DOP1B: variants seen among roughly 807,000 people sequenced by gnomAD.
DOP1B encodes the protein DOP1 leucine zipper like protein B.
In DOP1B, 174 loss-of-function variants were observed where a neutral mutation model predicts 233.5. That is an observed-to-expected ratio of 0.75 (90% CI 0.66 to 0.85). DOP1B has a LOEUF of 0.85. DOP1B is among the 40% of genes least tolerant of loss of function. The pLI, the probability that DOP1B is intolerant of heterozygous loss-of-function variation, is 0.00. For synonymous variants in DOP1B, 1,190 were observed against 1,185.6 expected, an observed-to-expected ratio of 1.00 and a Z score of -0.08; for missense variants, 2,652 against 2,846.6, an observed-to-expected ratio of 0.93 and a Z score of 1.56.
chr21:36,165,534 G>A (rs753707058), intron 2 of DOP1B, among the ~76,000 whole-genome samples: 11 of 152,060 alleles, frequency 7.2e-5, no homozygotes, highest in South Asian at 2.1e-4. Flanking sequence ...GCCGCTGACC[G>A]GTACCAGTCC....
At chr21:36,220,443 T>C (rs2835321) in intron 10 of DOP1B, among the ~76,000 whole-genome samples, 73,167 of 152,038 alleles carry the variant, frequency 0.48, 18,788 homozygotes, top group South Asian at 0.67. Context: ...GATGCCTGTC[T>C]TTTATTTTAA....
chr21:36,263,941 C>A, intron 26 of DOP1B, 127 bp downstream of exon 26: 2 of 979,498 alleles, frequency 2.0e-6, no homozygotes, highest in South Asian at 1.5e-5. Flanking sequence ...TGCACTTGTT[C>A]TCAAGTCTTA....
chr21:36,245,336 A>T lies in DOP1B; in HGVS notation c.3356A>T (p.His1119Leu), dbSNP rs1454173722. ...GAGTCTGCAGATACAAGCTCCTGCC[A>T]CACGGACAGCGAGAACACGTCCTCC... ...HTESADTSSC[H>L]TDSENTSSFS... Residue 1119 changes from histidine (H) to leucine (L), a missense_variant, in exon 19 of 37, where the codon CAC (histidine) becomes CTC (leucine). His to Leu is a moderately conservative substitution (Grantham distance 99). This residue lies in a region of DOP1B where 2,617 missense variants were observed against 2,794.3 expected (regional missense o/e 0.94). Coordinates refer to ENST00000691173, the MANE Select transcript of DOP1B (RefSeq NM_001320714.2). This position sits in a 1 kb window ranked among gnomAD's most constrained non-coding sequence, Gnocchi z 5.5. The T allele has an allele frequency of 1.2e-6, 2 of 1,614,100 alleles. No individual in the cohort carries two copies. The highest frequency in any genetic ancestry group is 1.1e-5 in the South Asian group (1 of 91,086).
In DOP1B at chr21:36,281,552, C is replaced by T. The variant is rs2067416468; in HGVS notation, c.6101C>T (p.Ala2034Val). 1 of 1,610,118 alleles carries T rather than the reference C, an allele frequency of 6.2e-7. No individual in the cohort carries two copies. Among genetic ancestry groups the T allele is most frequent in the Non-Finnish European group, 8.5e-7 (1 of 1,176,836 alleles). The change falls in exon 32 of 37, where the codon GCT becomes GTT. Residue 2034 changes from alanine (A) to valine (V), a missense_variant. Ala to Val is a moderately conservative substitution (Grantham distance 64). This residue lies in a region of DOP1B where 2,617 missense variants were observed against 2,794.3 expected (regional missense o/e 0.94). Transcript: ENST00000691173. ...EQKAMLLKRQ[A>V]FAVFSGELDQ... Reference sequence around the variant, plus strand: ...AAAGCCATGCTGTTAAAGCGCCAGGCTTTTGCTGTCTTCAGTGGAGAACTT... The same window carrying T: ...AAAGCCATGCTGTTAAAGCGCCAGGTTTTTGCTGTCTTCAGTGGAGAACTT...
intron 27 of DOP1B, among the ~76,000 whole-genome samples, chr21:36,275,476 A>G: frequency 6.6e-6 from 1 of 152,048 alleles, no homozygotes; most frequent in East Asian, 1.9e-4. Flanking sequence ...CAAAAATTAC[A>G]GCCTGTAGTA....
chr21:36,272,535 A>G (rs1448159224), intron 27 of DOP1B, among the ~76,000 whole-genome samples: 1 of 151,838 alleles, frequency 6.6e-6, no homozygotes, highest in Non-Finnish European at 1.5e-5. Flanking sequence ...CTGTAGTCCC[A>G]GCTACTCAGG....
At position 36,212,580 on chromosome 21, in the gene DOP1B, G is replaced by T. The variant is rs1206058399; in HGVS notation, c.904+483G>T. ...GGGCCATGTTTCTGTGTGTCAGAGT[G>T]TGTGGACTGCCTATAAATTTGTTGG... On this transcript the variant is annotated intron_variant, in intron 7 of 36. Transcript: ENST00000691173. 2.6e-5 allele frequency among the ~76,000 whole-genome samples: 4 copies of T among 152,320 alleles called. No homozygotes were observed. The East Asian group carries it at 7.7e-4, about 29-fold the overall frequency.
intron 17 of DOP1B, among the ~76,000 whole-genome samples, chr21:36,238,998 G>A (rs1003361293): frequency 1.3e-5 from 2 of 152,154 alleles, no homozygotes; most frequent in African/African-American, 2.4e-5. Flanking sequence ...AGCTACTTGG[G>A]ATGGTGAGGC....
At chr21:36,231,254 T>C (rs2066761893) in intron 14 of DOP1B, 120 bp downstream of exon 14, 1 of 1,317,996 alleles carries the variant, frequency 7.6e-7, no homozygotes, top group South Asian at 1.6e-5. Flanking sequence ...TTCGGACTTT[T>C]TTCAGATTTT....
At chr21:36,220,739 A>T (rs1421294002) in intron 10 of DOP1B, among the ~76,000 whole-genome samples, 1 of 149,630 alleles carries the variant, frequency 6.7e-6, no homozygotes, top group East Asian at 2.0e-4. Context: ...TCCTGAGCTC[A>T]AGCAATCTGC....
intron 2 of DOP1B, among the ~76,000 whole-genome samples, chr21:36,170,766 C>A (rs2065965404): frequency 6.7e-6 from 1 of 148,420 alleles, no homozygotes; most frequent in Non-Finnish European, 1.5e-5. Context: ...TACGCTGCAG[C>A]ACGTAGTGCT....
chr21:36,234,216 T>C (rs752434258), intron 15 of DOP1B, among the ~76,000 whole-genome samples: 1 of 152,120 alleles, frequency 6.6e-6, no homozygotes, highest in Non-Finnish European at 1.5e-5. Context: ...ACATTAGATC[T>C]TGAATAGACA....
chr21:36,273,275 T>C (rs927963552), intron 27 of DOP1B, among the ~76,000 whole-genome samples: 2 of 150,454 alleles, frequency 1.3e-5, no homozygotes, highest in Non-Finnish European at 1.5e-5. Context: ...GGTATGGTAG[T>C]GTGTGCCTGT....
rs1437515070 is a variant in DOP1B at position 36,167,765 on chromosome 21, A to T, written c.138+2894A>T. ...TACTTTCCCTCTCTACGGACTTTCC[A>T]TGGAAATGGAATCATACCACATGTG... On this transcript the variant is annotated intron_variant, in intron 2 of 36. Transcript: ENST00000691173. Among the ~76,000 whole-genome samples the T allele has an allele frequency of 1.6e-5, 2 of 128,954 alleles. 1 individual carries two copies. Among genetic ancestry groups the T allele is most frequent in the South Asian group, 4.6e-4 (2 of 4,368 alleles). The allele number at this position is 128,954 out of a possible 152,430, so 84.6% of individuals were successfully genotyped here. A position where few individuals can be genotyped will look rare whatever the true frequency, so the allele number is the denominator to read the frequency against.
At chr21:36,226,378 A>G (rs1042836560) in intron 12 of DOP1B, among the ~76,000 whole-genome samples, 9 of 145,312 alleles carry the variant, frequency 6.2e-5, no homozygotes, top group African/African-American at 2.3e-4. Context: ...GCTCACTGCA[A>G]CCTCCGCCTC....
chr21:36,268,720 A>T (rs1266083867), intron 26 of DOP1B, among the ~76,000 whole-genome samples: 1 of 152,220 alleles, frequency 6.6e-6, no homozygotes, highest in Non-Finnish European at 1.5e-5. Context: ...ACCAGGCTGG[A>T]GTGCAGTGGC....
intron 2 of DOP1B, among the ~76,000 whole-genome samples, chr21:36,167,464 C>T (rs1022858958): frequency 3.3e-5 from 5 of 152,330 alleles, no homozygotes; most frequent in Admixed American, 6.5e-5. Flanking sequence ...CATGAGCCAC[C>T]GTGCCCAGCC....
At position 36,266,999 on chromosome 21, in the gene DOP1B, C is replaced by T. The variant is rs114618693; in HGVS notation, c.5488-3014C>T. The stretch of plus-strand genomic sequence containing the variant: ...GCCAATTCGCCACTTCCCTCGAGCG[C>T]ACCCTTCTCTCACCCAGCAGGCAGG... On this transcript the variant is annotated intron_variant, in intron 26 of 36. Coordinates refer to ENST00000691173, the MANE Select transcript of DOP1B (RefSeq NM_001320714.2). 9.2e-3 allele frequency among the ~76,000 whole-genome samples: 1,402 copies of T among 152,334 alleles called. 24 individuals carry two copies. The highest frequency in any genetic ancestry group is 0.032 in the African/African-American group (1,337 of 41,570).
intron 27 of DOP1B, among the ~76,000 whole-genome samples, chr21:36,270,787 G>A (rs990185897): frequency 9.4e-5 from 14 of 149,718 alleles, no homozygotes; most frequent in Admixed American, 3.3e-4. Flanking sequence ...GGTAGTGGGC[G>A]CCTGTAATCC....
Sources: allele counts gnomAD v4.1 joint callset (sites outside exome capture counted in the v4.1 genomes callset), GRCh38; gene constraint gnomAD v4.1.1; regional missense constraint gnomAD v4.1.1; non-coding constraint Gnocchi (gnomAD v3.1); transcripts MANE v1.5; gene names NCBI Gene and HGNC (gene_info 2026-07-23, HGNC 2026-07-21).